The following LSAMP variants were observed in gnomAD, a reference collection of about 807,000 sequenced individuals.
LSAMP encodes limbic system-associated membrane protein.
A neutral mutation model predicts 38.6 loss-of-function variants in LSAMP; 7 were observed. The ratio of observed to expected loss-of-function variants is 0.18; its 90% confidence interval spans 0.10 to 0.34. The LOEUF (loss-of-function observed/expected upper bound fraction) is 0.34, where lower values mean the gene tolerates loss of function less well. Among genes scored for constraint, LSAMP ranks in the 10% least tolerant of loss-of-function variants. The pLI, the probability that LSAMP is intolerant of heterozygous loss-of-function variation, is 1.00. For missense variants in LSAMP, 313 were observed against 420.0 expected, an observed-to-expected ratio of 0.75 and a Z score of 2.23; for synonymous variants, 154 against 166.8, an observed-to-expected ratio of 0.92 and a Z score of 0.59.
intron 5 of LSAMP, 51 bp from the exon 6 acceptor site, chr3:115,842,044 G>A (rs747637473): frequency 6.5e-7 from 1 of 1,549,476 alleles, no homozygotes; most frequent in East Asian, 2.3e-5. Context: ...GAAGATTTTA[G>A]CTTAGGAATT....
intron 3 of LSAMP, among the ~76,000 whole-genome samples, chr3:115,947,701 A>G (rs77980595): frequency 0.08 from 12,180 of 152,292 alleles, 559 homozygotes; most frequent in Non-Finnish European, 0.099. Flanking sequence ...TAATTCATAA[A>G]TTATTCCTAT....
intron 3 of LSAMP, among the ~76,000 whole-genome samples, chr3:115,909,490 T>C (rs190521357): frequency 5.3e-5 from 8 of 152,354 alleles, no homozygotes; most frequent in Non-Finnish European, 8.8e-5. Context: ...TTAGTTCTTG[T>C]CTTTTCTTCA....
intron 1 of LSAMP, among the ~76,000 whole-genome samples, chr3:116,244,545 A>G (rs2046580122): frequency 6.6e-6 from 1 of 152,064 alleles, no homozygotes; most frequent in African/African-American, 2.4e-5. Context: ...CATTCTTGTC[A>G]TTCTCCCCAT....
intron 1 of LSAMP, among the ~76,000 whole-genome samples, chr3:116,087,688 G>T (rs571107528): frequency 1.7e-4 from 26 of 152,222 alleles, no homozygotes; most frequent in Admixed American, 1.7e-3. Flanking sequence ...GTAAAATCCA[G>T]TTTTTATCTC....
At chr3:116,306,654 C>T (rs2047489270) in intron 1 of LSAMP, among the ~76,000 whole-genome samples, 1 of 151,934 alleles carries the variant, frequency 6.6e-6, no homozygotes, top group South Asian at 2.1e-4. Flanking sequence ...CCAGATTCCA[C>T]AGCTGCAGGG....
intron 6 of LSAMP, chr3:115,837,882 T>C (rs1224418375): frequency 1.3e-5 from 2 of 152,240 alleles, no homozygotes; most frequent in African/African-American, 4.8e-5. Flanking sequence ...GTTGTTGTGA[T>C]GCATGCCTGT....
At chr3:116,349,490 C>T (rs2048109195) in intron 1 of LSAMP, among the ~76,000 whole-genome samples, 1 of 148,416 alleles carries the variant, frequency 6.7e-6, no homozygotes, top group Non-Finnish European at 1.5e-5. Flanking sequence ...AAACTACACA[C>T]ACACACACAC....
At chr3:115,837,783 C>T (rs1196650668) in intron 6 of LSAMP, 2 of 152,208 alleles carry the variant, frequency 1.3e-5, no homozygotes, top group Non-Finnish European at 2.9e-5. Context: ...AAATAGACTA[C>T]CTGAATTTAA....
intron 2 of LSAMP, among the ~76,000 whole-genome samples, chr3:116,085,352 CTACAA>C (rs767560059): frequency 6.6e-6 from 1 of 152,194 alleles, no homozygotes; most frequent in Non-Finnish European, 1.5e-5. Context: ...AATTTAAACA[CTACAA>C]TAATCAATTC....
chr3:116,090,966 T>G (rs925518099), intron 1 of LSAMP, among the ~76,000 whole-genome samples: 3 of 152,184 alleles, frequency 2.0e-5, no homozygotes, highest in Non-Finnish European at 2.9e-5. Flanking sequence ...GACGGGGTTT[T>G]GAGATCAACC....
chr3:116,086,639 C>T (rs1009154512), intron 1 of LSAMP, 83 bp from the exon 2 acceptor site: 7 of 1,027,784 alleles, frequency 6.8e-6, no homozygotes, highest in Non-Finnish European at 1.1e-5. Context: ...CTCAACAAGT[C>T]TAAACAAGGA....
At chr3:116,269,964 T>TG (rs2107668683) in intron 1 of LSAMP, among the ~76,000 whole-genome samples, 1 of 151,890 alleles carries the variant, frequency 6.6e-6, no homozygotes, top group African/African-American at 2.4e-5. Flanking sequence ...TACACGCCCA[T>TG]GGGGGCATTC....
intron 1 of LSAMP, among the ~76,000 whole-genome samples, chr3:116,271,256 G>C (rs1468011065): frequency 6.6e-6 from 1 of 152,054 alleles, no homozygotes; most frequent in East Asian, 1.9e-4. Context: ...AAAAATAACT[G>C]TCTGGTAAAT....
chr3:116,437,787 A>T (rs536155260), intron 1 of LSAMP, among the ~76,000 whole-genome samples: 1 of 152,338 alleles, frequency 6.6e-6, no homozygotes, highest in South Asian at 2.1e-4. Context: ...CCAAAAAGGT[A>T]ATCTCAGTGG....
chr3:115,887,474 G>A (rs72955527), intron 3 of LSAMP, among the ~76,000 whole-genome samples: 1,956 of 151,944 alleles, frequency 0.013, 41 homozygotes, highest in African/African-American at 0.043. Context: ...AGTGTCTGCC[G>A]TTTAATAATT....
chr3:116,276,592 G>A (rs1450578868), intron 1 of LSAMP, among the ~76,000 whole-genome samples: 1 of 151,170 alleles, frequency 6.6e-6, no homozygotes, highest in African/African-American at 2.4e-5. Context: ...CTGGGGTGAT[G>A]GATGCACCAA....
In LSAMP at chr3:116,086,562, A is replaced by G. The variant is rs369147002; in HGVS notation, c.156-6T>C. On this transcript the variant is annotated splice_polypyrimidine_tract_variant and splice_region_variant and intron_variant, in intron 1 of 6. Transcript: ENST00000490035. The stretch of plus-strand genomic sequence containing the variant: ...TCTTGTCTTCTACAACGCACCTGAC[A>G]GAGCAGAGTAACAATATTAGTGCCT... 4 of 1,610,484 alleles carry G rather than the reference A, an allele frequency of 2.5e-6. No homozygotes were observed. The African/African-American group carries it at 5.3e-5, about 22-fold the overall frequency.
intron 1 of LSAMP, among the ~76,000 whole-genome samples, chr3:116,159,018 C>T (rs559500232): frequency 1.3e-5 from 2 of 152,108 alleles, no homozygotes; most frequent in Admixed American, 1.3e-4. Context: ...TAAAGGAATC[C>T]CTATCCAACA....
chr3:115,904,310 A>T (rs1049611467), intron 3 of LSAMP, among the ~76,000 whole-genome samples: 1 of 152,140 alleles, frequency 6.6e-6, no homozygotes, highest in Non-Finnish European at 1.5e-5. Flanking sequence ...AATTTCTAAA[A>T]CAATGTAACT....
Sources: gnomAD v4.1 joint callset for allele counts (sites outside exome capture counted in the v4.1 genomes callset) on GRCh38, gnomAD v4.1.1 for gene constraint, MANE v1.5 for transcripts, NCBI Gene and HGNC (gene_info 2026-07-23, HGNC 2026-07-21) for gene names.